FCHSD2: variants seen among roughly 807,000 people sequenced by gnomAD.
FCHSD2 encodes FCH and double SH3 domains 2.
Under a neutral mutation model 108.1 loss-of-function variants are expected in FCHSD2, and 38 were observed. The observed-to-expected ratio is 0.35, with a 90% confidence interval of 0.27 to 0.46. The LOEUF (loss-of-function observed/expected upper bound fraction) is 0.46, where lower values mean the gene tolerates loss of function less well. FCHSD2 is among the 20% of genes least tolerant of loss of function. FCHSD2 has a pLI of 1.00. For synonymous variants in FCHSD2, 279 were observed against 314.7 expected (o/e 0.89, Z 1.20); for missense variants, 751 against 897.8 (o/e 0.84, Z 2.09).
chr11:72,950,713 T>C (rs951383050), intron 8 of FCHSD2, among the ~76,000 whole-genome samples: 1 of 152,242 alleles, frequency 6.6e-6, no homozygotes, highest in Non-Finnish European at 1.5e-5. Context: ...TTAGGATATT[T>C]TAATTTTTCA....
At chr11:73,120,528 G>A (rs1485540869) in intron 2 of FCHSD2, among the ~76,000 whole-genome samples, 2 of 152,034 alleles carry the variant, frequency 1.3e-5, no homozygotes, top group Non-Finnish European at 2.9e-5. Context: ...TCAGGGGTTC[G>A]AGACCAGCCT....
chr11:72,880,835 T>G (rs986197648), intron 12 of FCHSD2, among the ~76,000 whole-genome samples: 5 of 148,150 alleles, frequency 3.4e-5, no homozygotes, highest in African/African-American at 1.3e-4. Flanking sequence ...GCCACTGCAC[T>G]CCAGCCTGGG....
intron 8 of FCHSD2, among the ~76,000 whole-genome samples, chr11:72,936,454 G>A (rs1281897312): frequency 6.6e-6 from 1 of 152,054 alleles, no homozygotes; most frequent in Admixed American, 6.6e-5. Flanking sequence ...ATGGTTGCCT[G>A]GGAATTATCA....
intron 8 of FCHSD2, among the ~76,000 whole-genome samples, chr11:72,932,670 G>A (rs1271468793): frequency 6.6e-6 from 1 of 152,036 alleles, no homozygotes; most frequent in Non-Finnish European, 1.5e-5. Flanking sequence ...TATCTCTATT[G>A]TCTTTTTGCT....
In FCHSD2 at chr11:72,850,516, G is replaced by C. The variant is rs548104170; in HGVS notation, c.1309-627C>G. Among the ~76,000 whole-genome samples the C allele has an allele frequency of 4.1e-3, 618 of 151,638 alleles. 2 individuals are homozygous for C. The highest frequency in any genetic ancestry group is 6.1e-3 in the Non-Finnish European group (411 of 67,910). On this transcript the variant is annotated intron_variant, in intron 13 of 19. Coordinates refer to ENST00000409418, the MANE Select transcript of FCHSD2 (RefSeq NM_014824.3). Reference sequence around the variant, plus strand: ...CTACAGGTGCCCACCACCACGCCCGGCTAATTTTTTGTATTTTTAGTAGAG... The same window carrying C: ...CTACAGGTGCCCACCACCACGCCCGCCTAATTTTTTGTATTTTTAGTAGAG...
At chr11:72,997,746 G>A (rs975621193) in intron 5 of FCHSD2, among the ~76,000 whole-genome samples, 2 of 152,180 alleles carry the variant, frequency 1.3e-5, no homozygotes, top group African/African-American at 4.8e-5. Context: ...TGTCATCCAG[G>A]CTGGAGTGCA....
intron 8 of FCHSD2, among the ~76,000 whole-genome samples, chr11:72,965,055 C>T (rs1054856664): frequency 1.3e-5 from 2 of 152,142 alleles, no homozygotes; most frequent in African/African-American, 4.8e-5. Context: ...TCCAAAAGTG[C>T]TGGGATTACA....
At chr11:72,871,755 T>A (rs1360615584) in intron 12 of FCHSD2, among the ~76,000 whole-genome samples, 1 of 158 alleles carries the variant, frequency 6.3e-3, no homozygotes. Flanking sequence ...GGTACATAAT[T>A]TTTTTTTTTT....
intron 8 of FCHSD2, among the ~76,000 whole-genome samples, chr11:72,954,827 G>A (rs1195395250): frequency 6.6e-6 from 1 of 152,064 alleles, no homozygotes; most frequent in Admixed American, 6.6e-5. Flanking sequence ...GAATCTTGAA[G>A]TATTGAACCT....
chr11:73,024,423 A>G (rs1186420017), intron 3 of FCHSD2, among the ~76,000 whole-genome samples: 1 of 152,188 alleles, frequency 6.6e-6, no homozygotes, highest in Admixed American at 6.5e-5. Flanking sequence ...GTTGTTTCTC[A>G]CTAGGCACAG....
intron 2 of FCHSD2, among the ~76,000 whole-genome samples, chr11:73,123,956 A>G (rs1860793638): frequency 1.3e-5 from 2 of 152,230 alleles, no homozygotes; most frequent in African/African-American, 2.4e-5. Flanking sequence ...AGGCCTTAAT[A>G]TTGTATAAGG....
chr11:72,897,349 T>C (rs1199940917), intron 10 of FCHSD2, among the ~76,000 whole-genome samples: 1 of 151,164 alleles, frequency 6.6e-6, no homozygotes, highest in Admixed American at 6.6e-5. Context: ...GATAGTTGTG[T>C]CTGTACTGAA....
At chr11:73,063,026 G>T (rs1486502336) in intron 3 of FCHSD2, among the ~76,000 whole-genome samples, 1 of 152,136 alleles carries the variant, frequency 6.6e-6, no homozygotes, top group Non-Finnish European at 1.5e-5. Context: ...AAATGTTAAG[G>T]GTAGCCAGAG....
At chr11:72,913,830 A>C (rs1370582213) in intron 9 of FCHSD2, among the ~76,000 whole-genome samples, 1 of 150,248 alleles carries the variant, frequency 6.7e-6, no homozygotes, top group South Asian at 2.1e-4. Context: ...AACCCAAAAA[A>C]AAAACAAAAA....
In FCHSD2 at chr11:72,840,912, G is replaced by A. The variant is rs779505229; in HGVS notation, c.2104C>T (p.His702Tyr). 1.9e-6 allele frequency: 3 copies of A among 1,613,264 alleles called. No individual in the cohort carries two copies. The highest frequency in any genetic ancestry group is 2.5e-6 in the Non-Finnish European group (3 of 1,179,264). Residue 702 changes from histidine (H) to tyrosine (Y), a missense_variant, in exon 19 of 20, where the codon CAT becomes TAT. Physicochemically the swap from His to Tyr is moderately conservative, Grantham distance 83 (BLOSUM62 2). Transcript: ENST00000409418. Reference protein sequence around the residue: ...ESPGFSQASRHTPETSYGKLR... With the variant: ...ESPGFSQASRYTPETSYGKLR... Reference sequence around the variant, plus strand: ...TTGCCATATGAGGTCTCAGGAGTATGCCTTGATGCCTGTGAGAATCCTGGT... The same window carrying A: ...TTGCCATATGAGGTCTCAGGAGTATACCTTGATGCCTGTGAGAATCCTGGT...
intron 3 of FCHSD2, among the ~76,000 whole-genome samples, chr11:73,070,964 A>G (rs747891045): frequency 1.2e-4 from 18 of 152,234 alleles, no homozygotes; most frequent in Non-Finnish European, 2.2e-4. Context: ...GCAAACTGGC[A>G]TCCTTCAGAT....
At chr11:73,126,795 T>C (rs1365361871) in intron 2 of FCHSD2, among the ~76,000 whole-genome samples, 1 of 152,190 alleles carries the variant, frequency 6.6e-6, no homozygotes, top group African/African-American at 2.4e-5. Context: ...CCCAGCACTT[T>C]GGGAGGCCAA....
At chr11:73,135,534 C>T (rs1031421543) in intron 2 of FCHSD2, among the ~76,000 whole-genome samples, 1 of 152,092 alleles carries the variant, frequency 6.6e-6, no homozygotes, top group Non-Finnish European at 1.5e-5. Flanking sequence ...GAAAAGTACA[C>T]AGACTCTAGT....
chr11:72,870,899 CAAAAAAAAAAA>C (rs55827213), intron 12 of FCHSD2, among the ~76,000 whole-genome samples: 1 of 77,018 alleles, frequency 1.3e-5, no homozygotes, highest in Non-Finnish European at 2.3e-5. Context: ...GACTCCGTCT[CAAAAAAAAAAA>C]AAAAAAAAAA....
Sources: gnomAD v4.1 joint callset for allele counts (sites outside exome capture counted in the v4.1 genomes callset) on GRCh38, gnomAD v4.1.1 for gene constraint, MANE v1.5 for transcripts, NCBI Gene and HGNC (gene_info 2026-07-23, HGNC 2026-07-21) for gene names.